PIGB: variants seen among roughly 807,000 people sequenced by gnomAD.
PIGB encodes phosphatidylinositol glycan anchor biosynthesis class B, also known as GPI alpha-1,2-mannosyltransferase 3.
In PIGB, 58 loss-of-function variants were observed where a neutral mutation model predicts 68.4. The ratio of observed to expected loss-of-function variants is 0.85; its 90% CI spans 0.69 to 1.06. The LOEUF (loss-of-function observed/expected upper bound fraction) is 1.06. Among genes scored for constraint, PIGB ranks in the 50% least tolerant of loss-of-function variants. The probability of loss-of-function intolerance (pLI) is 0.00; values close to 1 mark genes in which losing one functional copy is unlikely to be tolerated. For missense variants in PIGB, 634 were observed against 655.8 expected, an observed-to-expected ratio of 0.97 and a Z score of 0.36; for synonymous variants, 219 against 220.5, an observed-to-expected ratio of 0.99 and a Z score of 0.06.
intron 3 of PIGB, 118 bp from the exon 4 acceptor site, chr15:55,327,413 T>C (rs2055318307): frequency 6.3e-6 from 4 of 638,914 alleles, no homozygotes; most frequent in African/African-American, 5.6e-5. Context: ...ATATTGCCTA[T>C]TTTTGTACTA....
chr15:55,348,704 C>T (rs1349432721), intron 9 of PIGB, among the ~76,000 whole-genome samples: 1 of 152,188 alleles, frequency 6.6e-6, no homozygotes, highest in Non-Finnish European at 1.5e-5. Context: ...AAGCCCTCAC[C>T]AGTGGATGCT....
chr15:55,332,117 G>A (rs2055430318), intron 5 of PIGB, among the ~76,000 whole-genome samples: 1 of 151,898 alleles, frequency 6.6e-6, no homozygotes, highest in Non-Finnish European at 1.5e-5. Context: ...TGGGACTACA[G>A]GCGCGCACCA....
chr15:55,330,875 A>G (rs921370346), intron 5 of PIGB, among the ~76,000 whole-genome samples: 14 of 152,212 alleles, frequency 9.2e-5, no homozygotes, highest in African/African-American at 3.4e-4. Flanking sequence ...ACTACAAGAA[A>G]AAGCATTCAC....
chr15:55,350,817 C>T lies in PIGB; in HGVS notation c.1242C>T (p.Val414=). The T allele has an allele frequency of 6.2e-7, 1 of 1,608,402 alleles. No homozygotes were observed. Among genetic ancestry groups the T allele is most frequent in the Non-Finnish European group, 8.5e-7 (1 of 1,174,984 alleles). ...GLVHQRGTLD[V]MSHIQKVCYN... ...TTCATCAACGAGGTACTCTTGATGTCATGAGTCATATTCAAAAAGTTTGTT... is the reference window on the plus strand; with the variant it reads ...TTCATCAACGAGGTACTCTTGATGTTATGAGTCATATTCAAAAAGTTTGTT... The change falls in exon 10 of 12, where the codon GTC becomes GTT. Residue 414 remains valine, a synonymous_variant. Coordinates refer to ENST00000164305, the MANE Select transcript of PIGB (RefSeq NM_004855.5).
At chr15:55,341,063 TAA>T (rs11353654) in intron 8 of PIGB, among the ~76,000 whole-genome samples, 6,361 of 144,868 alleles carry the variant, frequency 0.044, 203 homozygotes, top group Middle Eastern at 0.058. Flanking sequence ...TTATTTGCTT[TAA>T]AAAAAAAAAA....
At chr15:55,336,276 C>T (rs1302944556) in intron 6 of PIGB, among the ~76,000 whole-genome samples, 1 of 152,058 alleles carries the variant, frequency 6.6e-6, no homozygotes, top group Non-Finnish European at 1.5e-5. Context: ...GTGGTCCTAG[C>T]TACTTGGGAG....
intron 9 of PIGB, among the ~76,000 whole-genome samples, chr15:55,349,094 G>C (rs59652532): frequency 0.05 from 7,631 of 151,700 alleles, 651 homozygotes; most frequent in African/African-American, 0.18. Context: ...TGTTGGCCAG[G>C]CTGGTCTTGA....
chr15:55,352,552 C>T (rs564552487), intron 10 of PIGB, among the ~76,000 whole-genome samples: 81 of 152,154 alleles, frequency 5.3e-4, no homozygotes, highest in Non-Finnish European at 8.4e-4. Context: ...TTTGTGAGGC[C>T]GAGGCGGGCA....
intron 6 of PIGB, among the ~76,000 whole-genome samples, chr15:55,338,290 C>G (rs988534704): frequency 7.9e-5 from 12 of 152,120 alleles, no homozygotes; most frequent in African/African-American, 2.9e-4. Context: ...TTTGTCGACT[C>G]AATTCTAATG....
chr15:55,350,379 C>T (rs1258433494), intron 9 of PIGB: 2 of 284,272 alleles, frequency 7.0e-6, no homozygotes, highest in African/African-American at 4.4e-5. Flanking sequence ...TTTTTTCTAA[C>T]ACTTGAATAA....
At chr15:55,335,855 G>T (rs1477437266) in intron 6 of PIGB, among the ~76,000 whole-genome samples, 1 of 152,128 alleles carries the variant, frequency 6.6e-6, no homozygotes, top group African/African-American at 2.4e-5. Context: ...AGGTCAGAGA[G>T]ATAGCAGGGG....
intron 3 of PIGB, among the ~76,000 whole-genome samples, chr15:55,327,214 A>G (rs1270801036): frequency 1.6e-5 from 2 of 127,150 alleles, no homozygotes; most frequent in Non-Finnish European, 1.6e-5. Flanking sequence ...TCATATTTAT[A>G]TATAAATATA....
intron 10 of PIGB, among the ~76,000 whole-genome samples, chr15:55,353,200 G>A (rs1351692271): frequency 6.6e-6 from 1 of 152,176 alleles, no homozygotes; most frequent in Non-Finnish European, 1.5e-5. Flanking sequence ...AAGCACACAA[G>A]AGAGGAAAGT....
chr15:55,325,233 G>T (rs2055253627), intron 3 of PIGB, among the ~76,000 whole-genome samples: 1 of 152,096 alleles, frequency 6.6e-6, no homozygotes, highest in Non-Finnish European at 1.5e-5. Context: ...GGCTAAGGCA[G>T]GAGAATCGCT....
chr15:55,349,818 G>C (rs1380178612), intron 9 of PIGB: 1 of 152,174 alleles, frequency 6.6e-6, no homozygotes, highest in East Asian at 1.9e-4. Flanking sequence ...TCTATAAAAA[G>C]AGTGTATGTA....
chr15:55,353,126 C>T (rs929124601), intron 10 of PIGB, among the ~76,000 whole-genome samples: 2 of 152,190 alleles, frequency 1.3e-5, no homozygotes, highest in African/African-American at 4.8e-5. Context: ...GTTCTTTATA[C>T]TTAACTGTAG....
chr15:55,336,331 G>A (rs1448828361), intron 6 of PIGB, among the ~76,000 whole-genome samples: 1 of 152,136 alleles, frequency 6.6e-6, no homozygotes, highest in East Asian at 1.9e-4. Flanking sequence ...CAAGGTTGCA[G>A]TGAGCTATGA....
At chr15:55,336,864 C>G (rs933943364) in intron 6 of PIGB, among the ~76,000 whole-genome samples, 1 of 152,168 alleles carries the variant, frequency 6.6e-6, no homozygotes, top group African/African-American at 2.4e-5. Context: ...GTGGCACATG[C>G]CTATAATCCC....
chr15:55,339,349 T>G, intron 7 of PIGB, 31 bp downstream of exon 7: 1 of 1,356,176 alleles, frequency 7.4e-7, no homozygotes, highest in Non-Finnish European at 1.0e-6. Context: ...CTAACAGCTA[T>G]TTTTATTTTT....
Sources: allele counts gnomAD v4.1 joint callset (sites outside exome capture counted in the v4.1 genomes callset), GRCh38; gene constraint gnomAD v4.1.1; transcripts MANE v1.5; gene names NCBI Gene and HGNC (gene_info 2026-07-23, HGNC 2026-07-21).